The following NAALADL2 variants were observed in gnomAD, a reference collection of about 807,000 sequenced individuals.
NAALADL2 encodes the protein inactive N-acetylated-alpha-linked acidic dipeptidase-like protein 2.
Under a neutral mutation model 87.2 loss-of-function variants are expected in NAALADL2, and 76 were observed. The ratio of observed to expected loss-of-function variants is 0.87; its 90% CI spans 0.72 to 1.05. The LOEUF (loss-of-function observed/expected upper bound fraction) is 1.05. NAALADL2 is among the 50% of genes least tolerant of loss of function. The pLI is 0.00. For missense variants in NAALADL2, 1,089 were observed against 945.8 expected (o/e 1.15, Z -1.99); for synonymous variants, 354 against 331.0 (o/e 1.07, Z -0.75).
intron 1 of NAALADL2, among the ~76,000 whole-genome samples, chr3:175,083,216 A>G (rs984323627): frequency 6.6e-6 from 1 of 152,184 alleles, no homozygotes; most frequent in Non-Finnish European, 1.5e-5. Context: ...TTCCCCCGGA[A>G]ACAACCTTCA....
At chr3:175,792,659 T>C (rs1306049796) in intron 13 of NAALADL2, among the ~76,000 whole-genome samples, 2 of 152,226 alleles carry the variant, frequency 1.3e-5, no homozygotes, top group East Asian at 1.9e-4. Context: ...TAATCAAGTA[T>C]AGTATATCTG....
At chr3:175,039,814 T>A (rs954896327) in intron 1 of NAALADL2, among the ~76,000 whole-genome samples, 4 of 152,206 alleles carry the variant, frequency 2.6e-5, no homozygotes, top group Admixed American at 6.5e-5. Flanking sequence ...TTTCATTTTT[T>A]AAAATATTTG....
intron 11 of NAALADL2, among the ~76,000 whole-genome samples, chr3:175,703,310 C>G (rs554383487): frequency 1.3e-5 from 2 of 152,190 alleles, no homozygotes; most frequent in Non-Finnish European, 2.9e-5. Flanking sequence ...GGAAGTCTAT[C>G]AAACTGTCTA....
At chr3:175,486,358 A>G (rs2149332480) in intron 9 of NAALADL2, among the ~76,000 whole-genome samples, 1 of 152,198 alleles carries the variant, frequency 6.6e-6, no homozygotes, top group African/African-American at 2.4e-5. Context: ...GGACTCATGG[A>G]GTCTAATCCT....
At chr3:175,615,158 G>A (rs1725161685) in intron 10 of NAALADL2, among the ~76,000 whole-genome samples, 1 of 152,018 alleles carries the variant, frequency 6.6e-6, no homozygotes, top group Admixed American at 6.6e-5. Context: ...TATTATCATT[G>A]TCATTTTGTT....
chr3:175,568,188 T>A (rs1717517274), intron 9 of NAALADL2, among the ~76,000 whole-genome samples: 1 of 152,124 alleles, frequency 6.6e-6, no homozygotes, highest in Non-Finnish European at 1.5e-5. Flanking sequence ...TAGAATAACT[T>A]CTAGTATAAA....
At position 174,814,353 on chromosome 3, in the gene NAALADL2, C is replaced by T. The variant is rs530556472; in HGVS notation, c.-9+76607C>T. 3.7e-4 allele frequency among the ~76,000 whole-genome samples: 56 copies of T among 152,122 alleles called. No homozygotes were observed. The East Asian group carries it at 5.0e-3, about 14-fold the overall frequency. ...CAATCTCCTGACCTCGTGATCCGCC[C>T]GCCTCAGCCTCCCAAAGTGCTGGGA... is the stretch of plus-strand genomic sequence containing the variant. On this transcript the variant is annotated intron_variant, in intron 3 of 3. Coordinates refer to the NAALADL2 transcript ENST00000434257.
intron 2 of NAALADL2, among the ~76,000 whole-genome samples, chr3:175,167,340 C>A (rs1734149386): frequency 6.6e-6 from 1 of 152,092 alleles, no homozygotes; most frequent in South Asian, 2.1e-4. Context: ...TGTCACTCCT[C>A]TGCTTAACAC....
intron 2 of NAALADL2, among the ~76,000 whole-genome samples, chr3:174,667,877 T>C (rs6445174): frequency 0.64 from 96,754 of 151,946 alleles, 31,457 homozygotes; most frequent in Admixed American, 0.72. Context: ...GTAATTCATT[T>C]TACTTTTCTT....
chr3:175,758,073 G>A (rs1327488321), intron 13 of NAALADL2, among the ~76,000 whole-genome samples: 1 of 151,980 alleles, frequency 6.6e-6, no homozygotes, highest in East Asian at 1.9e-4. Flanking sequence ...TTTATTATCC[G>A]TTCAAAAATA....
chr3:175,323,237 A>G (rs1345321249), intron 4 of NAALADL2, among the ~76,000 whole-genome samples: 3 of 148,104 alleles, frequency 2.0e-5, no homozygotes, highest in African/African-American at 7.5e-5. Context: ...CTATCGCAAG[A>G]ACAAAAAACC....
At chr3:175,780,678 A>G (rs569081873) in intron 13 of NAALADL2, among the ~76,000 whole-genome samples, 92 of 152,322 alleles carry the variant, frequency 6.0e-4, no homozygotes, top group Admixed American at 2.0e-3. Flanking sequence ...CTCCATTTGG[A>G]AAGTGAAAAA....
intron 2 of NAALADL2, among the ~76,000 whole-genome samples, chr3:174,613,150 T>C (rs1001931558): frequency 6.6e-6 from 1 of 152,182 alleles, no homozygotes; most frequent in Non-Finnish European, 1.5e-5. Flanking sequence ...ATGGAGCTTT[T>C]CTCTCTGTTC....
chr3:174,649,998 C>T (rs2108752780), intron 2 of NAALADL2, among the ~76,000 whole-genome samples: 1 of 152,070 alleles, frequency 6.6e-6, no homozygotes, highest in African/African-American at 2.4e-5. Flanking sequence ...ATTTATAAAT[C>T]CACTTTTATA....
At chr3:175,248,409 C>T (rs1445512682) in intron 3 of NAALADL2, among the ~76,000 whole-genome samples, 1 of 152,124 alleles carries the variant, frequency 6.6e-6, no homozygotes, top group Non-Finnish European at 1.5e-5. Flanking sequence ...AGTTCTGGAT[C>T]ACTCAATAAC....
chr3:175,525,980 T>A (rs963731658), intron 9 of NAALADL2, among the ~76,000 whole-genome samples: 2 of 152,204 alleles, frequency 1.3e-5, no homozygotes, highest in African/African-American at 4.8e-5. Flanking sequence ...CCAAGATCCC[T>A]GGTAGATTTT....
At chr3:174,445,777 A>G (rs1174428177) in intron 1 of NAALADL2, among the ~76,000 whole-genome samples, 2 of 152,232 alleles carry the variant, frequency 1.3e-5, no homozygotes, top group East Asian at 3.9e-4. Flanking sequence ...TATTTGTGTA[A>G]CAGAATAGAT....
chr3:175,525,805 A>G (rs1246717260), intron 9 of NAALADL2, among the ~76,000 whole-genome samples: 2 of 152,150 alleles, frequency 1.3e-5, no homozygotes, highest in Admixed American at 6.5e-5. Flanking sequence ...TGGTATTTAA[A>G]TGATTATATA....
At chr3:174,952,210 C>T (rs1476139493) in intron 1 of NAALADL2, among the ~76,000 whole-genome samples, 2 of 152,140 alleles carry the variant, frequency 1.3e-5, no homozygotes, top group East Asian at 1.9e-4. Flanking sequence ...TTACATTGCA[C>T]TAATTTTCTC....
Sources: gnomAD v4.1 joint callset for allele counts (sites outside exome capture counted in the v4.1 genomes callset) on GRCh38, gnomAD v4.1.1 for gene constraint, MANE v1.5 for transcripts, NCBI Gene and HGNC (gene_info 2026-07-23, HGNC 2026-07-21) for gene names.